CDYL: variants seen among roughly 807,000 people sequenced by gnomAD.
The protein encoded by CDYL is chromodomain Y-like protein.
Under a neutral mutation model 47.3 loss-of-function variants are expected in CDYL, and 8 were observed. That is an observed-to-expected ratio of 0.17 (90% CI 0.10 to 0.31). CDYL has a LOEUF of 0.31. Ranked by LOEUF, CDYL falls within the 10% of genes least tolerant of loss-of-function variation. CDYL has a pLI of 1.00. For synonymous variants in CDYL, 266 were observed against 265.0 expected (o/e 1.00, Z -0.04); for missense variants, 471 against 701.4 (o/e 0.67, Z 3.71).
intron 2 of CDYL, among the ~76,000 whole-genome samples, chr6:4,902,609 C>G (rs1475793360): frequency 6.6e-6 from 1 of 152,154 alleles, no homozygotes; most frequent in Non-Finnish European, 1.5e-5. Context: ...GTTCTTCCTC[C>G]TTTTCTAGTC....
chr6:4,846,200 G>A (rs867489080), intron 1 of CDYL, among the ~76,000 whole-genome samples: 17 of 142,830 alleles, frequency 1.2e-4, no homozygotes, highest in African/African-American at 4.6e-4. Context: ...AAAAAAAAAA[G>A]GTGGATATGG....
intron 1 of CDYL, among the ~76,000 whole-genome samples, chr6:4,885,255 A>G (rs808617): frequency 0.023 from 3,455 of 152,272 alleles, 131 homozygotes; most frequent in African/African-American, 0.078. Flanking sequence ...CAGCTTTCCA[A>G]AGTGCTGGGA....
chr6:4,821,066 G>A (rs1335494825), intron 1 of CDYL, among the ~76,000 whole-genome samples: 1 of 152,110 alleles, frequency 6.6e-6, no homozygotes, highest in African/African-American at 2.4e-5. Flanking sequence ...ATGATGTCAT[G>A]TAGAATCTCA....
chr6:4,860,899 C>T (rs1009282341), intron 1 of CDYL, among the ~76,000 whole-genome samples: 5 of 152,052 alleles, frequency 3.3e-5, no homozygotes, highest in Admixed American at 6.6e-5. Flanking sequence ...ATTGTGCCCA[C>T]CAGATGAAGG....
chr6:4,727,596 C>G (rs1757538414), intron 2 of CDYL, among the ~76,000 whole-genome samples: 1 of 149,982 alleles, frequency 6.7e-6, no homozygotes, highest in African/African-American at 2.5e-5. Context: ...CCCACCCACC[C>G]CCTCCCTCCA....
At chr6:4,810,365 T>G (rs1204051410) in intron 1 of CDYL, among the ~76,000 whole-genome samples, 3 of 152,182 alleles carry the variant, frequency 2.0e-5, no homozygotes, top group African/African-American at 7.2e-5. Context: ...AGTTGTTTGA[T>G]CCTCATGGTA....
intron 1 of CDYL, among the ~76,000 whole-genome samples, chr6:4,803,996 T>G (rs1759299611): frequency 6.7e-6 from 1 of 149,666 alleles, no homozygotes; most frequent in African/African-American, 2.5e-5. Flanking sequence ...TTTTTTTTGC[T>G]CTCCTAAGTC....
rs141911722 is a variant in CDYL at position 4,734,087 on chromosome 6, G to A, written c.104-675G>A. On this transcript the variant is annotated intron_variant, in intron 2 of 8. Transcript: ENST00000328908. ...ATTCCTGGCCTCAGGTGATCCATCC[G>A]TCTCAGCCTCCCAAAGTGCTGGGAT... Among the ~76,000 whole-genome samples the A allele has an allele frequency of 2.9e-3, 440 of 152,120 alleles. 2 individuals are homozygous for A. The highest frequency in any genetic ancestry group is 3.6e-3 in the Non-Finnish European group (246 of 67,986).
At chr6:4,952,878 G>A (rs1758751185) in intron 6 of CDYL, among the ~76,000 whole-genome samples, 1 of 151,940 alleles carries the variant, frequency 6.6e-6, no homozygotes, top group Non-Finnish European at 1.5e-5. Context: ...AGTGATGCTT[G>A]TGCTTCAGCC....
At chr6:4,801,158 A>G (rs1322145263) in intron 1 of CDYL, among the ~76,000 whole-genome samples, 3 of 152,184 alleles carry the variant, frequency 2.0e-5, no homozygotes, top group African/African-American at 4.8e-5. Context: ...TTGCTTAGCC[A>G]GTCTAATGCA....
intron 1 of CDYL, among the ~76,000 whole-genome samples, chr6:4,817,756 G>C (rs1273767511): frequency 6.6e-6 from 1 of 152,174 alleles, no homozygotes; most frequent in Non-Finnish European, 1.5e-5. Context: ...ACTAGGGTTT[G>C]TTTTGGGCTG....
At chr6:4,856,278 G>A (rs1470497617) in intron 1 of CDYL, among the ~76,000 whole-genome samples, 1 of 152,204 alleles carries the variant, frequency 6.6e-6, no homozygotes, top group Non-Finnish European at 1.5e-5. Flanking sequence ...ATTGGGATAA[G>A]GTTTGAAATT....
At chr6:4,942,521 C>T (rs115948109) in intron 4 of CDYL, among the ~76,000 whole-genome samples, 4,193 of 152,262 alleles carry the variant, frequency 0.028, 189 homozygotes, top group African/African-American at 0.096. Flanking sequence ...AAGTGAAAAG[C>T]TGTCCTTACT....
At chr6:4,866,025 A>T (rs1761309483) in intron 1 of CDYL, among the ~76,000 whole-genome samples, 1 of 152,220 alleles carries the variant, frequency 6.6e-6, no homozygotes, top group Non-Finnish European at 1.5e-5. Flanking sequence ...GAAAGCAGTT[A>T]GTATCAACAA....
intron 1 of CDYL, among the ~76,000 whole-genome samples, chr6:4,707,712 T>C (rs1166833951): frequency 6.6e-6 from 1 of 152,250 alleles, no homozygotes; most frequent in Non-Finnish European, 1.5e-5. Context: ...AAAGTTAAGC[T>C]GATCCTCAAA....
At chr6:4,875,471 A>G (rs1349294010) in intron 1 of CDYL, among the ~76,000 whole-genome samples, 2 of 151,990 alleles carry the variant, frequency 1.3e-5, no homozygotes, top group Non-Finnish European at 2.9e-5. Context: ...ATTTATAGGT[A>G]CTCTTTAATT....
At chr6:4,789,666 T>C (rs1758865834) in intron 1 of CDYL, among the ~76,000 whole-genome samples, 2 of 152,348 alleles carry the variant, frequency 1.3e-5, no homozygotes, top group Admixed American at 6.5e-5. Context: ...GAATCAGTTA[T>C]CTGAACTCTG....
At chr6:4,849,738 CTTCT>C (rs990380234) in intron 1 of CDYL, among the ~76,000 whole-genome samples, 3 of 150,402 alleles carry the variant, frequency 2.0e-5, no homozygotes, top group African/African-American at 7.4e-5. Context: ...AAAATTCTTA[CTTCT>C]TTTGCACCTG....
chr6:4,772,775 T>C (rs1758356099), upstream of CDYL, among the ~76,000 whole-genome samples: 2 of 152,200 alleles, frequency 1.3e-5, no homozygotes, highest in Non-Finnish European at 2.9e-5. Flanking sequence ...AGAATATGCT[T>C]TGGGGGTACA....
Sources: gnomAD v4.1 joint callset for allele counts (sites outside exome capture counted in the v4.1 genomes callset) on GRCh38, gnomAD v4.1.1 for gene constraint, MANE v1.5 for transcripts, NCBI Gene and HGNC (gene_info 2026-07-23, HGNC 2026-07-21) for gene names.